The following AGBL1 variants were observed in gnomAD, a reference collection of about 807,000 sequenced individuals.
The protein encoded by AGBL1 is AGBL carboxypeptidase 1, also known as cytosolic carboxypeptidase 4.
A neutral mutation model predicts 118.9 loss-of-function variants in AGBL1; 130 were observed. That is an observed-to-expected ratio of 1.09 (90% confidence interval 0.95 to 1.26). The LOEUF is 1.26. Among genes scored for constraint, AGBL1 ranks in the 50% most tolerant of loss-of-function variants. AGBL1 has a pLI of 0.00. For missense variants in AGBL1, 1,584 were observed against 1,298.1 expected (o/e 1.22, Z -3.38); for synonymous variants, 555 against 478.9 (o/e 1.16, Z -2.08).
At chr15:86,226,723 T>C (rs1426554011) in intron 6 of AGBL1, among the ~76,000 whole-genome samples, 3 of 152,196 alleles carry the variant, frequency 2.0e-5, no homozygotes, top group African/African-American at 7.2e-5. Context: ...TGTGCAGTGA[T>C]GGGCCTCAGC....
At chr15:86,623,908 A>C (rs1435580937) in intron 21 of AGBL1, among the ~76,000 whole-genome samples, 3 of 152,210 alleles carry the variant, frequency 2.0e-5, no homozygotes, top group African/African-American at 7.2e-5. Context: ...AAGAGGCACA[A>C]TTAGATGCAA....
chr15:86,255,814 A>G (rs1042530261), intron 7 of AGBL1, among the ~76,000 whole-genome samples: 1 of 152,038 alleles, frequency 6.6e-6, no homozygotes, highest in Non-Finnish European at 1.5e-5. Context: ...TATATTTTGG[A>G]GTCATTTGGG....
In AGBL1 at chr15:86,368,612, G is replaced by A. The variant is rs1358632952; in HGVS notation, c.2375-28754G>A. On this transcript the variant is annotated intron_variant, in intron 17 of 22. Coordinates refer to ENST00000614907, the MANE Select transcript of AGBL1 (RefSeq NM_001386094.1). ...TTAATCCTAGACACAGTTAAAGAAG[G>A]AATTAATGAAGTGAAAGAAATCTGC... is the stretch of plus-strand genomic sequence containing the variant. Among the ~76,000 whole-genome samples, 11 of 152,216 alleles carry A rather than the reference G, an allele frequency of 7.2e-5. No individual in the cohort carries two copies. The East Asian group carries it at 2.1e-3, about 29-fold the overall frequency.
intron 23 of AGBL1, among the ~76,000 whole-genome samples, chr15:86,939,465 C>T (rs1195310762): frequency 6.6e-6 from 1 of 152,184 alleles, no homozygotes; most frequent in Non-Finnish European, 1.5e-5. Flanking sequence ...GCACTGTTGG[C>T]TTCCCTACTC....
intron 17 of AGBL1, among the ~76,000 whole-genome samples, chr15:86,396,650 C>T (rs536103894): frequency 6.6e-6 from 1 of 152,128 alleles, no homozygotes; most frequent in South Asian, 2.1e-4. Context: ...GACCATCCCA[C>T]CCACAGACTT....
At chr15:86,940,246 T>C (rs1391921858) in intron 23 of AGBL1, among the ~76,000 whole-genome samples, 1 of 151,930 alleles carries the variant, frequency 6.6e-6, no homozygotes, top group Non-Finnish European at 1.5e-5. Flanking sequence ...GTATGTCTTG[T>C]TTGAAACACA....
rs762271338 is a variant in AGBL1, at chr15:86,988,996, C to CT, written c.3323+929dup. On this transcript the variant is annotated intron_variant, in intron 24 of 24. Transcript: ENST00000441037. The stretch of plus-strand genomic sequence containing the variant: ...TTCATCTCTGATTTTTTTCCCCCTG[C>CT]TTTTTTTTTTTTTTTTTTTTTAAGA... 8.3e-3 allele frequency among the ~76,000 whole-genome samples: 948 copies of CT among 114,318 alleles called. 15 individuals are homozygous for CT. The highest frequency in any genetic ancestry group is 0.03 in the East Asian group (118 of 3,886). 75.0% of individuals were successfully genotyped at this position (114,318 alleles called of 152,430 possible).
intron 17 of AGBL1, among the ~76,000 whole-genome samples, chr15:86,311,323 T>A (rs573122939): frequency 1.6e-4 from 25 of 152,366 alleles, no homozygotes; most frequent in South Asian, 6.2e-4. Flanking sequence ...ATCTTTCTAC[T>A]TTACATGCTA....
intron 18 of AGBL1, among the ~76,000 whole-genome samples, chr15:86,467,422 T>A (rs557050038): frequency 6.6e-6 from 1 of 152,254 alleles, no homozygotes; most frequent in East Asian, 1.9e-4. Context: ...TTGGGGTGAG[T>A]TCTCCTGAGC....
intron 5 of AGBL1, among the ~76,000 whole-genome samples, chr15:86,188,338 T>C (rs972895267): frequency 6.6e-6 from 1 of 152,098 alleles, no homozygotes; most frequent in African/African-American, 2.4e-5. Context: ...AGCTCTTAGA[T>C]GTGAAAAAAT....
chr15:86,808,419 C>T (rs532123317), intron 22 of AGBL1, among the ~76,000 whole-genome samples: 136 of 152,266 alleles, frequency 8.9e-4, no homozygotes, highest in African/African-American at 3.2e-3. Flanking sequence ...ATCCACATCT[C>T]ATTAGTTTTC....
intron 18 of AGBL1, among the ~76,000 whole-genome samples, chr15:86,481,201 T>A (rs943089171): frequency 6.6e-6 from 1 of 152,194 alleles, no homozygotes; most frequent in Middle Eastern, 3.4e-3. Context: ...TCTTGAGGGT[T>A]TCTTGGCAAT....
rs150956281 is a variant in AGBL1, at chr15:86,865,130, T to A, written c.3159-41957T>A. ...AAATAGCTGTTGGGTGAACGGTGAA[T>A]GAACACAACAACAATAAACCCTAGT... On this transcript the variant is annotated intron_variant, in intron 22 of 22. Coordinates refer to ENST00000614907, the MANE Select transcript of AGBL1 (RefSeq NM_001386094.1). Among the ~76,000 whole-genome samples, 154 of 152,280 alleles carry A rather than the reference T, an allele frequency of 1.0e-3. 1 individual carries two copies. The highest frequency in any genetic ancestry group is 1.6e-3 in the Non-Finnish European group (112 of 68,020).
chr15:86,549,386 C>T, intron 20 of AGBL1, among the ~76,000 whole-genome samples: 1 of 152,012 alleles, frequency 6.6e-6, no homozygotes, highest in South Asian at 2.1e-4. Flanking sequence ...ACCACTAGGC[C>T]AAGCAGCCAC....
chr15:86,212,074 A>C (rs1478955778), intron 5 of AGBL1, among the ~76,000 whole-genome samples: 2 of 152,254 alleles, frequency 1.3e-5, no homozygotes, highest in Admixed American at 1.3e-4. Context: ...TGTGGTTTCT[A>C]GAAGTAGTGT....
chr15:87,003,969 G>A (rs1291492985), intron 24 of AGBL1, among the ~76,000 whole-genome samples: 6 of 152,016 alleles, frequency 3.9e-5, no homozygotes, highest in Non-Finnish European at 7.4e-5. Flanking sequence ...ATCTCCTTCA[G>A]TTCTGCTCTG....
In AGBL1 at chr15:86,616,266, G is replaced by A. The variant is rs143994212; in HGVS notation, c.2995-58007G>A. Among the ~76,000 whole-genome samples, 1,281 of 151,280 alleles carry A rather than the reference G, an allele frequency of 8.5e-3. 19 individuals are homozygous for A. Among genetic ancestry groups the A allele is most frequent in the African/African-American group, 0.029 (1,190 of 40,972 alleles). On this transcript the variant is annotated intron_variant, in intron 21 of 22. Coordinates refer to ENST00000614907, the MANE Select transcript of AGBL1 (RefSeq NM_001386094.1). ...GCAGGAGAATCGCTTGAACCCGGGA[G>A]GCAGAGGTAGCAATGAGCCGAGATA...
At chr15:86,538,164 T>A (rs1490638284) in intron 19 of AGBL1, among the ~76,000 whole-genome samples, 1 of 152,196 alleles carries the variant, frequency 6.6e-6, no homozygotes, top group Non-Finnish European at 1.5e-5. Flanking sequence ...AAAGTGGCCA[T>A]TGGAGGGGTC....
At chr15:86,973,779 G>T (rs1157273695) in intron 23 of AGBL1, among the ~76,000 whole-genome samples, 1 of 151,160 alleles carries the variant, frequency 6.6e-6, no homozygotes. Context: ...CTTCAGCAAT[G>T]CATTTTACAT....
Sources: gnomAD v4.1 joint callset for allele counts (sites outside exome capture counted in the v4.1 genomes callset) on GRCh38, gnomAD v4.1.1 for gene constraint, MANE v1.5 for transcripts, NCBI Gene and HGNC (gene_info 2026-07-23, HGNC 2026-07-21) for gene names.